The following SEMA6D variants were observed in gnomAD, a reference collection of about 807,000 sequenced individuals.
The protein encoded by SEMA6D is semaphorin 6D.
A neutral mutation model predicts 106.6 loss-of-function variants in SEMA6D; 35 were observed. That is an observed-to-expected ratio of 0.33 (90% CI 0.25 to 0.44). SEMA6D has a LOEUF of 0.44. SEMA6D is among the 20% of genes least tolerant of loss of function. The pLI is 1.00. For synonymous variants in SEMA6D, 499 were observed against 487.7 expected, an observed-to-expected ratio of 1.02 and a Z score of -0.31; for missense variants, 1,185 against 1,345.9, an observed-to-expected ratio of 0.88 and a Z score of 1.87.
chr15:47,410,057 C>T (rs976739521), intron 1 of SEMA6D, among the ~76,000 whole-genome samples: 1 of 152,148 alleles, frequency 6.6e-6, no homozygotes, highest in South Asian at 2.1e-4. Context: ...TCACTGCAGC[C>T]TCAACCTCCT....
intron 3 of SEMA6D, among the ~76,000 whole-genome samples, chr15:47,552,885 TATATAA>T (rs1164507066): frequency 1.3e-4 from 2 of 15,418 alleles, no homozygotes; most frequent in African/African-American, 2.7e-4. Flanking sequence ...TATATAAATA[TATATAA>T]ATATATATAT....
intron 1 of SEMA6D, among the ~76,000 whole-genome samples, chr15:47,184,840 G>T (rs1268174326): frequency 1.3e-5 from 2 of 152,236 alleles, no homozygotes; most frequent in Non-Finnish European, 2.9e-5. Context: ...GTTGGATCCG[G>T]GTCGGCAGCC....
chr15:47,567,355 A>G (rs1241878825), intron 3 of SEMA6D, among the ~76,000 whole-genome samples: 1 of 152,244 alleles, frequency 6.6e-6, no homozygotes, highest in Admixed American at 6.5e-5. Flanking sequence ...AAAAATATGT[A>G]TGCATATTCA....
intron 1 of SEMA6D, among the ~76,000 whole-genome samples, chr15:47,266,536 G>A (rs537313334): frequency 5.9e-5 from 9 of 152,138 alleles, no homozygotes; most frequent in South Asian, 4.1e-4. Context: ...CTTATAAGCC[G>A]TAATGAGGGC....
intron 3 of SEMA6D, among the ~76,000 whole-genome samples, chr15:47,520,787 G>A (rs78442215): frequency 0.011 from 1,613 of 152,220 alleles, 32 homozygotes; most frequent in African/African-American, 0.037. Context: ...TACCAGGCAC[G>A]TATGTTGGGG....
intron 4 of SEMA6D, among the ~76,000 whole-genome samples, chr15:47,711,751 A>G (rs1488544370): frequency 4.6e-5 from 7 of 152,214 alleles, no homozygotes. Context: ...TAAACATCCT[A>G]TCTGAGAAGG....
At chr15:47,289,444 A>G (rs560560410) in intron 1 of SEMA6D, among the ~76,000 whole-genome samples, 3 of 151,608 alleles carry the variant, frequency 2.0e-5, no homozygotes, top group East Asian at 1.9e-4. Flanking sequence ...TCAGTTCAGC[A>G]TATTTGTTTT....
At position 47,242,204 on chromosome 15, in the gene SEMA6D, T is replaced by C. The variant is rs537651371; in HGVS notation, c.-239+57786T>C. 2.6e-4 allele frequency among the ~76,000 whole-genome samples: 39 copies of C among 152,296 alleles called. 2 individuals carry two copies. In the South Asian group the frequency reaches 7.9e-3, roughly 31 times the overall value. On this transcript the variant is annotated intron_variant, in intron 1 of 19. Coordinates refer to the SEMA6D transcript ENST00000558014. ...TAGGTACTTCATATTTACAAGGGAT[T>C]ACTATTAGTTGGTACAAAAGTAATT...
intron 2 of SEMA6D, among the ~76,000 whole-genome samples, chr15:47,441,173 C>T (rs2041870276): frequency 1.3e-5 from 2 of 152,058 alleles, no homozygotes; most frequent in Admixed American, 6.6e-5. Flanking sequence ...TGAACTGTGT[C>T]ACCTAAATAG....
Position 47,767,097 on chromosome 15 carries a change from A to T in SEMA6D, c.1765+4A>T, listed in dbSNP as rs754550404. The T allele has an allele frequency of 6.4e-7, 1 of 1,560,952 alleles. No homozygotes were observed. The highest frequency in any genetic ancestry group is 8.7e-7 in the Non-Finnish European group (1 of 1,149,164). ...ATATTTGGCGGTCCAACATCTGGTT[A>T]GTTTTTTTTAATTTTTTTGAATTAA... On this transcript the variant is annotated splice_donor_region_variant and intron_variant, in intron 17 of 18. Transcript: ENST00000536845.
At chr15:47,525,835 A>G (rs1329583237) in intron 3 of SEMA6D, among the ~76,000 whole-genome samples, 1 of 152,214 alleles carries the variant, frequency 6.6e-6, no homozygotes, top group Non-Finnish European at 1.5e-5. Context: ...GCAGTTTTTT[A>G]TGTCATTTAC....
chr15:47,260,242 T>C (rs980548976), intron 1 of SEMA6D, among the ~76,000 whole-genome samples: 2 of 152,156 alleles, frequency 1.3e-5, no homozygotes, highest in African/African-American at 2.4e-5. Context: ...AATTTTCTGA[T>C]TCTTGGTATG....
chr15:47,603,556 T>C (rs1411023421), intron 4 of SEMA6D: 1 of 152,284 alleles, frequency 6.6e-6, no homozygotes, highest in African/African-American at 2.4e-5. Context: ...GTTCCTCATC[T>C]GTAAAATAAA....
At chr15:47,540,898 A>G (rs1213912537) in intron 3 of SEMA6D, among the ~76,000 whole-genome samples, 1 of 152,220 alleles carries the variant, frequency 6.6e-6, no homozygotes, top group South Asian at 2.1e-4. Context: ...TGAGAACTGT[A>G]AGCAAATTTG....
At position 47,770,519 on chromosome 15, in the gene SEMA6D, TG is replaced by T; in HGVS notation, c.1958del (p.Gly653GlufsTer9). ...PKGVRWEVQS[G>X]ESNQMVHMNV... ...CAGGTGTACGATGGGAAGTCCAGTC[TG>T]GAGAGTCCAACCAGATGGTCCACAT... On this transcript the variant is annotated frameshift_variant, in exon 19 of 19. Coordinates refer to ENST00000536845, the MANE Select transcript of SEMA6D (RefSeq NM_001358351.3). LOFTEE classifies it high-confidence loss of function. 6.2e-7 allele frequency: 1 copy of T among 1,602,342 alleles called. No homozygotes were observed. The highest frequency in any genetic ancestry group is 8.5e-7 in the Non-Finnish European group (1 of 1,170,858).
intron 2 of SEMA6D, among the ~76,000 whole-genome samples, chr15:47,462,899 T>A (rs1319265709): frequency 2.6e-5 from 4 of 152,124 alleles, no homozygotes; most frequent in Non-Finnish European, 5.9e-5. Context: ...TTTGTCCTAG[T>A]CTGGCTTATA....
chr15:47,365,934 AAGAG>A (rs1383048755), intron 1 of SEMA6D, among the ~76,000 whole-genome samples: 1 of 146,502 alleles, frequency 6.8e-6, no homozygotes, highest in Non-Finnish European at 1.5e-5. Flanking sequence ...AAAAGAAAGA[AAGAG>A]AAAGAAAGAA....
chr15:47,349,306 C>T (rs2038214793), intron 1 of SEMA6D, among the ~76,000 whole-genome samples: 1 of 152,098 alleles, frequency 6.6e-6, no homozygotes, highest in South Asian at 2.1e-4. Context: ...AGAGAATGCT[C>T]CTTGAGATTT....
chr15:47,252,091 A>G (rs2033552396), intron 1 of SEMA6D, among the ~76,000 whole-genome samples: 1 of 144,810 alleles, frequency 6.9e-6, no homozygotes, highest in South Asian at 2.1e-4. Flanking sequence ...AATTTTTTGT[A>G]TTTTTTTAGT....
Sources: allele counts gnomAD v4.1 joint callset (sites outside exome capture counted in the v4.1 genomes callset), GRCh38; gene constraint gnomAD v4.1.1; transcripts MANE v1.5; gene names NCBI Gene and HGNC (gene_info 2026-07-23, HGNC 2026-07-21).